F8: variants seen among roughly 807,000 people sequenced by gnomAD.
F8 encodes antihemophilic factor.
F8 carries 12 observed loss-of-function variants against 140.6 expected under a neutral mutation model. The ratio of observed to expected loss-of-function variants is 0.09; its 90% CI spans 0.05 to 0.14. F8 has a LOEUF of 0.14. F8 is among the 10% of genes least tolerant of loss of function. The pLI is 1.00. For missense variants in F8, 1,354 were observed against 1,720.7 expected (o/e 0.79, Z 3.77); for synonymous variants, 585 against 614.6 (o/e 0.95, Z 0.71).
intron 6 of F8, among the ~76,000 whole-genome samples, chrX:154,980,933 T>G (rs1234068370): frequency 8.9e-6 from 1 of 112,239 alleles, no homozygotes; most frequent in Non-Finnish European, 1.9e-5. Context: ...ATCGCACCAC[T>G]GCACTCCAAC....
At chrX:154,869,714 TAG>T (rs1460145346) in intron 22 of F8, among the ~76,000 whole-genome samples, 1 of 110,203 alleles carries the variant, frequency 9.1e-6, no homozygotes, top group Non-Finnish European at 1.9e-5. Flanking sequence ...CTGAAGGAGA[TAG>T]AGACACAAAA....
intron 1 of F8, among the ~76,000 whole-genome samples, chrX:155,020,484 G>A (rs186164469): frequency 7.3e-4 from 82 of 112,181 alleles, no homozygotes; most frequent in Non-Finnish European, 1.4e-3. Flanking sequence ...CAACCTTGCC[G>A]ACTCTGAAGA....
In F8 at chrX:154,972,707, CTTT is replaced by C. The variant is rs1184930129; in HGVS notation, c.788-3158_788-3156del. 7.2e-3 allele frequency among the ~76,000 whole-genome samples: 399 copies of C among 55,271 alleles called. 8 individuals are homozygous for C. The highest frequency in any genetic ancestry group is 0.025 in the African/African-American group (371 of 14,650). The allele number at this position is 55,271 out of a possible 115,157, so 48.0% of individuals were successfully genotyped here. A position where few individuals can be genotyped will look rare whatever the true frequency, so the allele number is the denominator to read the frequency against. ...GTTCTTTTCTTTTCTTTCTGTCTTT[CTTT>C]TTTTTTTTTTTTTTTTTTTTTTTGA... On this transcript the variant is annotated intron_variant, in intron 6 of 25. Transcript: ENST00000360256.
intron 3 of F8, 99 bp from the exon 4 acceptor site, chrX:154,993,247 G>T (rs1244669836): frequency 1.4e-6 from 1 of 700,182 alleles, no homozygotes; most frequent in African/African-American, 2.1e-5. Context: ...CATAAGAAAC[G>T]GACTTTCTGC....
At chrX:155,005,227 A>G (rs1450493228) in intron 1 of F8, among the ~76,000 whole-genome samples, 2 of 111,915 alleles carry the variant, frequency 1.8e-5, no homozygotes, top group Non-Finnish European at 3.8e-5. Context: ...TGGCAAGCGT[A>G]ACCGATCCTG....
At chrX:155,022,271 G>A (rs1278918010) in intron 1 of F8, 139 bp downstream of exon 1, 5 of 630,155 alleles carry the variant, frequency 7.9e-6, no homozygotes, top group Non-Finnish European at 1.3e-5. Flanking sequence ...ACAGATGTGT[G>A]CACACCTTAC....
chrX:154,899,555 A>G (rs2148584829), intron 21 of F8, among the ~76,000 whole-genome samples: 1 of 112,350 alleles, frequency 8.9e-6, no homozygotes, highest in Non-Finnish European at 1.9e-5. Context: ...TGGAGTACTT[A>G]AGGACACGTG....
At chrX:154,944,847 T>C (rs1462100170) in intron 13 of F8, among the ~76,000 whole-genome samples, 1 of 111,394 alleles carries the variant, frequency 9.0e-6, no homozygotes, top group Non-Finnish European at 1.9e-5. Flanking sequence ...GCCATAAAAA[T>C]GATGAGTTCA....
At chrX:154,957,342 T>A (rs1016869487) in intron 10 of F8, among the ~76,000 whole-genome samples, 171 bp from the exon 11 acceptor site, 3 of 111,610 alleles carry the variant, frequency 2.7e-5, no homozygotes, top group Admixed American at 9.5e-5. Flanking sequence ...ACAATTTTTT[T>A]AAAAAGTAAA....
chrX:154,943,402 C>T (rs1380466237), intron 13 of F8, among the ~76,000 whole-genome samples: 4 of 111,522 alleles, frequency 3.6e-5, no homozygotes, highest in Non-Finnish European at 3.8e-5. Context: ...AAATCATAAG[C>T]GAACTCCCAT....
intron 1 of F8, among the ~76,000 whole-genome samples, chrX:155,012,713 T>TA (rs781962638): frequency 3.3e-4 from 34 of 103,925 alleles, no homozygotes; most frequent in East Asian, 2.4e-3. Flanking sequence ...TTAAGACCCT[T>TA]AAAAAAAAAA....
chrX:155,012,915 G>A (rs1233046269), intron 1 of F8, among the ~76,000 whole-genome samples: 1 of 109,831 alleles, frequency 9.1e-6, no homozygotes, highest in Non-Finnish European at 1.9e-5. Context: ...GGGAGGCCGA[G>A]GTGGGCGGAT....
intron 13 of F8, among the ~76,000 whole-genome samples, chrX:154,947,224 G>GAAAAAAAAAAAAAAAA (rs781928603): frequency 1.7e-4 from 3 of 17,851 alleles, no homozygotes; most frequent in African/African-American, 2.3e-4. Context: ...GACTCCGTCT[G>GAAAAAAAAAAAAAAAA]AAAAAAAAAA....
At position 155,020,620 on chromosome X, in the gene F8, T is replaced by C. The variant is rs782570322; in HGVS notation, c.143+1790A>G. On this transcript the variant is annotated intron_variant, in intron 1 of 25. Transcript: ENST00000360256. ...AATATACATGACAAAGAGTTAATATTTGTAATAATAAAAGGGTTCTCATAA... is the reference window on the plus strand; with the variant it reads ...AATATACATGACAAAGAGTTAATATCTGTAATAATAAAAGGGTTCTCATAA... Among the ~76,000 whole-genome samples, 5 of 112,322 alleles carry C rather than the reference T, an allele frequency of 4.5e-5. No homozygotes were observed. In the South Asian group the frequency reaches 1.8e-3, roughly 41 times the overall value.
chrX:154,951,184 C>A (rs1360470392), intron 12 of F8, among the ~76,000 whole-genome samples: 1 of 111,831 alleles, frequency 8.9e-6, no homozygotes, highest in Non-Finnish European at 1.9e-5. Flanking sequence ...CATGTTCCTT[C>A]CTCTTCATTC....
chrX:155,016,062 C>A (rs1331007755), intron 1 of F8, among the ~76,000 whole-genome samples: 1 of 111,353 alleles, frequency 9.0e-6, no homozygotes. Flanking sequence ...CATGGCAAAA[C>A]CCCGTCTCTA....
intron 13 of F8, among the ~76,000 whole-genome samples, chrX:154,937,827 T>C (rs1200850745): frequency 8.9e-6 from 1 of 111,740 alleles, no homozygotes; most frequent in Non-Finnish European, 1.9e-5. Context: ...ATACTCAATA[T>C]TGTCAAGAGG....
chrX:154,931,080 G>A lies in F8; in HGVS notation c.2710C>T (p.Leu904=). ...DFKVSSTSNN[L]ISTIPSDNLA... is the part of the protein sequence containing the mutation. ...TTGTCTGATGGAATTGTTGAAATCAGATTATTTGATGTACTAGAAACTTTG... is the reference window on the plus strand; with the variant it reads ...TTGTCTGATGGAATTGTTGAAATCAAATTATTTGATGTACTAGAAACTTTG... Residue 904 remains leucine, a synonymous_variant, in exon 14 of 26, where the codon CTG becomes TTG. Coordinates refer to ENST00000360256, the MANE Select transcript of F8 (RefSeq NM_000132.4). 1 of 1,203,694 alleles carries A rather than the reference G, an allele frequency of 8.3e-7. No individual in the cohort carries two copies. Among genetic ancestry groups the A allele is most frequent in the East Asian group, 3.0e-5 (1 of 33,804 alleles).
At chrX:154,923,843 A>G (rs1471409107) in intron 14 of F8, among the ~76,000 whole-genome samples, 2 of 111,642 alleles carry the variant, frequency 1.8e-5, no homozygotes, top group Admixed American at 9.5e-5. Context: ...GTGGTGGCAC[A>G]TGCCTGTAGT....
Sources: gnomAD v4.1 joint callset for allele counts (sites outside exome capture counted in the v4.1 genomes callset) on GRCh38, gnomAD v4.1.1 for gene constraint, MANE v1.5 for transcripts, NCBI Gene and HGNC (gene_info 2026-07-23, HGNC 2026-07-21) for gene names.